Variants in REC8 observed in about 807,000 individuals in gnomAD.
REC8 encodes meiotic recombination protein REC8 homolog.
In REC8, 42 loss-of-function variants were observed where a neutral mutation model predicts 78.3. The observed-to-expected ratio is 0.54, with a 90% CI of 0.42 to 0.69. The LOEUF (loss-of-function observed/expected upper bound fraction) is 0.69, where lower values mean the gene tolerates loss of function less well. REC8 is among the 30% of genes least tolerant of loss of function. The pLI, the probability that REC8 is intolerant of heterozygous loss-of-function variation, is 0.00. For missense variants in REC8, 581 were observed against 715.8 expected (o/e 0.81, Z 2.15); for synonymous variants, 268 against 274.1 (o/e 0.98, Z 0.22).
chr14:24,179,050 G>T (rs1399224856), intron 14 of REC8, 35 bp from the exon 15 acceptor site: 2 of 1,607,290 alleles, frequency 1.2e-6, no homozygotes, highest in Admixed American at 3.4e-5. Context: ...AGTCCCAGAT[G>T]CTTGGGGTCT....
Position 24,172,699 on chromosome 14 carries a change from C to T in REC8, c.57-14C>T. 13 of 1,614,222 alleles carry T rather than the reference C, an allele frequency of 8.1e-6. No individual in the cohort carries two copies. Among genetic ancestry groups the T allele is most frequent in the Non-Finnish European group, 1.1e-5 (13 of 1,180,032 alleles). Reference sequence around the variant, plus strand: ...CCTCCATCCCCATTCTCCCACCTTCCCCACCCACTTCAGGCTGGCGGCGAC... The same window carrying T: ...CCTCCATCCCCATTCTCCCACCTTCTCCACCCACTTCAGGCTGGCGGCGAC... On this transcript the variant is annotated splice_polypyrimidine_tract_variant and intron_variant, in intron 1 of 18. Transcript: ENST00000611366.
At chr14:24,178,523 G>T (rs1334284124) in intron 12 of REC8, 83 bp from the exon 13 acceptor site, 2 of 1,420,316 alleles carry the variant, frequency 1.4e-6, no homozygotes, top group Non-Finnish European at 2.0e-6. Flanking sequence ...AGAAGCCCCA[G>T]AACAGTGCAT....
Position 24,178,790 on chromosome 14 carries a change from C to T in REC8, c.1077C>T (p.Pro359=). The T allele has an allele frequency of 6.2e-7, 1 of 1,611,860 alleles. No individual in the cohort carries two copies. Reference sequence around the variant, plus strand: ...TCTTGTCCACAGCTGGCTGGCTACCCCCTGAACTACTGGGTCTCTGGACCC... The same window carrying T: ...TCTTGTCCACAGCTGGCTGGCTACCTCCTGAACTACTGGGTCTCTGGACCC... The part of the protein sequence containing the change: ...FRTPTLSGWL[P]PELLGLWTHC... Residue 359 remains proline, a synonymous_variant, in exon 14 of 19, where the codon CCC becomes CCT. Coordinates refer to ENST00000611366, the MANE Select transcript of REC8 (RefSeq NM_001048205.2).
Position 24,177,519 on chromosome 14 carries a change from G to A in REC8, c.792G>A (p.Trp264Ter). The change falls in exon 10 of 19, where the codon TGG becomes TGA. Residue 264 changes from tryptophan (W) to a stop codon, truncating the protein, a stop_gained. Coordinates refer to ENST00000611366, the MANE Select transcript of REC8 (RefSeq NM_001048205.2). LOFTEE classifies it high-confidence loss of function. ...CTGAGGAGCTGAGGCTGACAGGCTGGGAACCTGGGGCCCTACTCATGGGTG... is the reference window on the plus strand; with the variant it reads ...CTGAGGAGCTGAGGCTGACAGGCTGAGAACCTGGGGCCCTACTCATGGGTG... ...LGPEELRLTG[W>*]EPGALLMEVT... 1 of 1,613,874 alleles carries A rather than the reference G, an allele frequency of 6.2e-7. No homozygotes were observed. The highest frequency in any genetic ancestry group is 8.5e-7 in the Non-Finnish European group (1 of 1,179,858).
In REC8 at chr14:24,178,865, G is replaced by A. The variant is rs1272221732; in HGVS notation, c.1152G>A (p.Glu384=). Residue 384 remains glutamate, a synonymous_variant, in exon 14 of 19, where the codon GAG becomes GAA. Transcript: ENST00000611366. ...PKALRRELPE[E]AAAEEERRKI... is the part of the protein sequence containing the mutation. ...CCCTCAGGCGAGAGCTGCCTGAGGA[G>A]GCAGCCGCTGAGGAGGAAAGGAGAA... The A allele has an allele frequency of 6.2e-7, 1 of 1,613,676 alleles. No individual in the cohort carries two copies. Among genetic ancestry groups the A allele is most frequent in the Admixed American group, 1.7e-5 (1 of 60,010 alleles).
Position 24,175,596 on chromosome 14 carries a change from T to G in REC8, c.516T>G (p.Pro172=), listed in dbSNP as rs545776680. ...AIPERVEEIP[P]EVPTEPREPE... is the part of the protein sequence containing the mutation. ...CAGAGAGAGTTGAAGAGATCCCTCC[T>G]GAAGTTCCTACAGAGCCCAGGGAGC... Residue 172 remains proline, a synonymous_variant, in exon 6 of 19, where the codon CCT becomes CCG. Transcript: ENST00000611366. 6.2e-7 allele frequency: 1 copy of G among 1,614,008 alleles called. No homozygotes were observed. The highest frequency in any genetic ancestry group is 1.7e-5 in the Admixed American group (1 of 60,010).
rs755975232 is a variant in REC8, at chr14:24,179,915, A to G, written c.1558+9A>G. On this transcript the variant is annotated intron_variant, in intron 18 of 18. Coordinates refer to ENST00000611366, the MANE Select transcript of REC8 (RefSeq NM_001048205.2). ...CTTCTACCTGCTCCTGGGTGAGTGT[A>G]TGCATGTGTGTGTGTGTATGTGGGG... 6.8e-6 allele frequency: 11 copies of G among 1,613,738 alleles called. No individual in the cohort carries two copies. In the Admixed American group the frequency reaches 1.8e-4, roughly 27 times the overall value.
intron 6 of REC8, among the ~76,000 whole-genome samples, chr14:24,176,248 G>A (rs999072098): frequency 6.7e-6 from 1 of 149,734 alleles, no homozygotes; most frequent in African/African-American, 2.5e-5. Context: ...GTAGAGATGG[G>A]TTTTTGCCAT....
In REC8 at chr14:24,174,870, C is replaced by T. The variant is rs1215356486; in HGVS notation, c.463-673C>T. Among the ~76,000 whole-genome samples the T allele has an allele frequency of 4.6e-5, 7 of 152,154 alleles. No individual in the cohort carries two copies. The East Asian group carries it at 1.4e-3, about 29-fold the overall frequency. On this transcript the variant is annotated intron_variant, in intron 5 of 18. Coordinates refer to ENST00000611366, the MANE Select transcript of REC8 (RefSeq NM_001048205.2). ...GTACTTTGCTAGGGCCTTGTTTTACCCTTTGCCTTGACTCTTGTGGGGTTA... is the reference window on the plus strand; with the variant it reads ...GTACTTTGCTAGGGCCTTGTTTTACTCTTTGCCTTGACTCTTGTGGGGTTA...
At chr14:24,180,625 A>G (rs1222612663), downstream of REC8, 1 of 1,612,314 alleles carries the variant, frequency 6.2e-7, no homozygotes, top group South Asian at 1.1e-5. Context: ...TCGCTGCCCC[A>G]GGCTCTCTGA....
intron 5 of REC8, among the ~76,000 whole-genome samples, chr14:24,175,006 AT>A (rs10712510): frequency 0.4 from 53,390 of 134,744 alleles, 10,021 homozygotes; most frequent in East Asian, 0.75. Context: ...GCTTGCACAA[AT>A]TTTTTTTTTT....
At chr14:24,177,867 G>T (rs952499330) in intron 11 of REC8, 109 bp downstream of exon 11, 13 of 1,470,088 alleles carry the variant, frequency 8.8e-6, no homozygotes, top group Non-Finnish European at 1.1e-5. Flanking sequence ...CCTTAATGCA[G>T]ATGATAAAAG....
rs1566639412 is a variant in REC8, at chr14:24,180,153, G to A, written c.*58G>A. On this transcript the variant is annotated 3_prime_UTR_variant, in exon 19 of 19. Transcript: ENST00000611366. ...CCGGCCACTTCTAGTAAACCACGTCGTGCCTCACTGGGTCCTGCTTACCTC... is the reference window on the plus strand; with the variant it reads ...CCGGCCACTTCTAGTAAACCACGTCATGCCTCACTGGGTCCTGCTTACCTC... 5 of 1,613,984 alleles carry A rather than the reference G, an allele frequency of 3.1e-6. No homozygotes were observed. The highest frequency in any genetic ancestry group is 4.2e-6 in the Non-Finnish European group (5 of 1,180,004).
intron 15 of REC8, 113 bp downstream of exon 15, chr14:24,179,246 A>AAGGAAGCACGGAGGACC: frequency 8.3e-7 from 1 of 1,207,100 alleles, no homozygotes; most frequent in Non-Finnish European, 1.2e-6. Context: ...TGTGTGACAT[A>AAGGAAGCACGGAGGACC]AGGAAGCACG....
At position 24,172,441 on chromosome 14, in the gene REC8, A is replaced by G; in HGVS notation, c.-112A>G. On this transcript the variant is annotated 5_prime_UTR_variant, in exon 1 of 19. Transcript: ENST00000611366. ...GGTGCACCCACCTTGCCACCAGAGA[A>G]GTCCAAATCCTGACTTCTCTCCAAG... 8.6e-7 allele frequency: 1 copy of G among 1,167,230 alleles called. No homozygotes were observed. The highest frequency in any genetic ancestry group is 1.2e-6 in the Non-Finnish European group (1 of 834,500). The allele number at this position is 1,167,230 out of a possible 1,614,324, so 72.3% of individuals were successfully genotyped here. A position where few individuals can be genotyped will look rare whatever the true frequency, so the allele number is the denominator to read the frequency against.
intron 5 of REC8, 157 bp from the exon 6 acceptor site, chr14:24,175,386 A>AC: frequency 1.6e-6 from 1 of 612,814 alleles, no homozygotes; most frequent in Admixed American, 2.6e-5. Flanking sequence ...AGGAAAGAAG[A>AC]CCAGAGGGCG....
Position 24,172,357 on chromosome 14 carries a change from G to T in REC8, c.-196G>T. 1 of 589,044 alleles carries T rather than the reference G, an allele frequency of 1.7e-6. No individual in the cohort carries two copies. The highest frequency in any genetic ancestry group is 2.2e-5 in the South Asian group (1 of 45,518). The allele number at this position is 589,044 out of a possible 1,614,324, so 36.5% of individuals were successfully genotyped here. Reference sequence around the variant, plus strand: ...AGGGGCGCCCATCTCCTGCGTCTCAGTTATCCTGGTAATTGTGTATCTGCC... The same window carrying T: ...AGGGGCGCCCATCTCCTGCGTCTCATTTATCCTGGTAATTGTGTATCTGCC... On this transcript the variant is annotated 5_prime_UTR_variant, in exon 1 of 19. Coordinates refer to ENST00000611366, the MANE Select transcript of REC8 (RefSeq NM_001048205.2).
Position 24,180,116 on chromosome 14 carries a change from G to C in REC8, c.*21G>C. 1 of 1,614,078 alleles carries C rather than the reference G, an allele frequency of 6.2e-7. No individual in the cohort carries two copies. On this transcript the variant is annotated 3_prime_UTR_variant, in exon 19 of 19. Coordinates refer to ENST00000611366, the MANE Select transcript of REC8 (RefSeq NM_001048205.2). The stretch of plus-strand genomic sequence containing the variant: ...ACTGAGGTTAGAGTCCATTTACAAA[G>C]CTGCCAGGAAACCGGCCACTTCTAG...
rs371829978 is a variant in REC8, at chr14:24,175,641, T to G, written c.544+17T>G. 2.5e-6 allele frequency: 4 copies of G among 1,598,610 alleles called. No homozygotes were observed. The highest frequency in any genetic ancestry group is 2.2e-5 in the East Asian group (1 of 44,774). On this transcript the variant is annotated intron_variant, in intron 6 of 18. Coordinates refer to ENST00000611366, the MANE Select transcript of REC8 (RefSeq NM_001048205.2). The stretch of plus-strand genomic sequence containing the variant: ...GGGAGCCAGGTCAGCAGAGAGAACC[T>G]TCTTTCTGGTGAGAGGCATAGGCAG...
Sources: allele counts gnomAD v4.1 joint callset (sites outside exome capture counted in the v4.1 genomes callset), GRCh38; gene constraint gnomAD v4.1.1; transcripts MANE v1.5; gene names NCBI Gene and HGNC (gene_info 2026-07-23, HGNC 2026-07-21).